TIMMDC1: variants seen among roughly 807,000 people sequenced by gnomAD.
TIMMDC1 encodes translocase of inner mitochondrial membrane domain containing 1.
In TIMMDC1, 25 loss-of-function variants were observed where a neutral mutation model predicts 32.6. The ratio of observed to expected loss-of-function variants is 0.77; its 90% CI spans 0.56 to 1.07. The LOEUF (loss-of-function observed/expected upper bound fraction) is 1.07, where lower values mean the gene tolerates loss of function less well. Among genes scored for constraint, TIMMDC1 ranks in the 50% least tolerant of loss-of-function variants. The pLI is 0.00. For synonymous variants in TIMMDC1, 130 were observed against 127.6 expected (o/e 1.02, Z -0.13); for missense variants, 329 against 349.2 (o/e 0.94, Z 0.46).
chr3:119,510,476 AAG>A (rs2107730886), intron 4 of TIMMDC1, among the ~76,000 whole-genome samples: 1 of 152,304 alleles, frequency 6.6e-6, no homozygotes, highest in South Asian at 2.1e-4. Flanking sequence ...GCTGATTATT[AAG>A]AGCATAGCAA....
At chr3:119,523,550 T>C in intron 6 of TIMMDC1, 56 bp from the exon 7 acceptor site, 5 of 1,473,776 alleles carry the variant, frequency 3.4e-6, no homozygotes, top group Non-Finnish European at 4.5e-6. Context: ...GTTTTAAATC[T>C]GTAAGAACTA....
chr3:119,516,935 A>G (rs1013593003), intron 5 of TIMMDC1, among the ~76,000 whole-genome samples: 16 of 152,178 alleles, frequency 1.1e-4, no homozygotes, highest in African/African-American at 3.6e-4. Context: ...CATTCCTCAT[A>G]AAAACAGCCA....
intron 6 of TIMMDC1, among the ~76,000 whole-genome samples, chr3:119,521,379 AC>A (rs2082025958): frequency 6.6e-6 from 1 of 152,078 alleles, no homozygotes; most frequent in South Asian, 2.1e-4. Context: ...ACATGGTGAA[AC>A]CCCATTTCTA....
At chr3:119,513,513 C>A in intron 4 of TIMMDC1, 128 bp from the exon 5 acceptor site, 1 of 693,446 alleles carries the variant, frequency 1.4e-6, no homozygotes, top group Non-Finnish European at 2.6e-6. Flanking sequence ...GAAGTATAGG[C>A]TGTAGTAGTA....
At chr3:119,516,544 G>A (rs1417960050) in intron 5 of TIMMDC1, among the ~76,000 whole-genome samples, 1 of 152,208 alleles carries the variant, frequency 6.6e-6, no homozygotes, top group Non-Finnish European at 1.5e-5. Flanking sequence ...TTATTAGTAT[G>A]AGGTTACTTA....
chr3:119,507,222 T>G (rs182628970), intron 4 of TIMMDC1, among the ~76,000 whole-genome samples: 1 of 152,336 alleles, frequency 6.6e-6, no homozygotes, highest in East Asian at 1.9e-4. Flanking sequence ...AAAGATTTCT[T>G]TAGCTTTCTC....
chr3:119,511,367 T>TG (rs1384856443), intron 4 of TIMMDC1, among the ~76,000 whole-genome samples: 1 of 151,832 alleles, frequency 6.6e-6, no homozygotes, highest in African/African-American at 2.4e-5. Flanking sequence ...CCCAGCTACT[T>TG]GGGAGACTGA....
At chr3:119,500,965 G>T in intron 2 of TIMMDC1, 105 bp downstream of exon 2, 2 of 1,171,252 alleles carry the variant, frequency 1.7e-6, no homozygotes, top group Non-Finnish European at 2.4e-6. Context: ...GTTTTAAGGT[G>T]TCAGAGTAAA....
At chr3:119,518,149 C>A (rs2081998326) in intron 6 of TIMMDC1, among the ~76,000 whole-genome samples, 1 of 151,994 alleles carries the variant, frequency 6.6e-6, no homozygotes, top group Non-Finnish European at 1.5e-5. Context: ...CTAATCATCT[C>A]CTGGGATGCA....
chr3:119,518,104 C>A (rs539899911), intron 6 of TIMMDC1, among the ~76,000 whole-genome samples: 3 of 151,590 alleles, frequency 2.0e-5, no homozygotes, highest in Admixed American at 6.6e-5. Context: ...GCACTGAATG[C>A]CACTGAGGAA....
At chr3:119,517,917 C>T (rs1390212024) in intron 6 of TIMMDC1, among the ~76,000 whole-genome samples, 1 of 151,272 alleles carries the variant, frequency 6.6e-6, no homozygotes, top group Non-Finnish European at 1.5e-5. Flanking sequence ...TACAGTGAGC[C>T]GTGATTGTGC....
chr3:119,502,481 C>T (rs2081885963), intron 2 of TIMMDC1, among the ~76,000 whole-genome samples: 1 of 151,946 alleles, frequency 6.6e-6, no homozygotes, highest in Non-Finnish European at 1.5e-5. Context: ...TCACCCCCTC[C>T]TTGGCCTCCC....
intron 5 of TIMMDC1, among the ~76,000 whole-genome samples, chr3:119,515,687 A>G (rs760387075): frequency 6.6e-6 from 1 of 152,188 alleles, no homozygotes; most frequent in African/African-American, 2.4e-5. Context: ...CTTTTTCCCA[A>G]TGTGATTAAT....
At position 119,498,707 on chromosome 3, in the gene TIMMDC1, A is replaced by G; in HGVS notation, c.-27A>G. On this transcript the variant is annotated 5_prime_UTR_variant, in exon 1 of 7. Coordinates refer to ENST00000494664, the MANE Select transcript of TIMMDC1 (RefSeq NM_016589.4). ...GAGGACTTGAAGTCCTGAGCGCTCA[A>G]GTTTGTCCGTAGGTCGAGAGAAGGC... 6.2e-7 allele frequency: 1 copy of G among 1,611,520 alleles called. No homozygotes were observed.
intron 2 of TIMMDC1, among the ~76,000 whole-genome samples, chr3:119,502,601 C>T (rs1206400087): frequency 6.6e-6 from 1 of 151,962 alleles, no homozygotes; most frequent in Admixed American, 6.6e-5. Flanking sequence ...TGCCTCAGTG[C>T]AGGCTGGAGT....
chr3:119,514,779 G>A (rs1415508208), intron 5 of TIMMDC1, among the ~76,000 whole-genome samples: 1 of 152,154 alleles, frequency 6.6e-6, no homozygotes, highest in Non-Finnish European at 1.5e-5. Flanking sequence ...AATCTGGCTG[G>A]GTTTCCCTGC....
At chr3:119,511,130 A>C (rs939148180) in intron 4 of TIMMDC1, among the ~76,000 whole-genome samples, 16 of 152,102 alleles carry the variant, frequency 1.1e-4, no homozygotes, top group African/African-American at 3.9e-4. Context: ...TTTATCTGCG[A>C]GTTTTTTCAA....
chr3:119,509,079 A>G (rs1452683240), intron 4 of TIMMDC1, among the ~76,000 whole-genome samples: 1 of 152,088 alleles, frequency 6.6e-6, no homozygotes, highest in Non-Finnish European at 1.5e-5. Flanking sequence ...GGTGGTGCAC[A>G]TCTGTAATCC....
rs754116594 is a variant in TIMMDC1, at chr3:119,503,970, C to G, written c.466C>G (p.Leu156Val). The G allele has an allele frequency of 8.7e-6, 14 of 1,613,370 alleles. No individual in the cohort carries two copies. The highest frequency in any genetic ancestry group is 6.7e-5 in the East Asian group (3 of 44,854). The change falls in exon 4 of 7, where the codon CTG (leucine) becomes GTG (valine). Residue 156 changes from leucine to valine, a missense_variant. Transcript: ENST00000494664. Reference sequence around the variant, plus strand: ...TTTTACCAGCACAGTGAACACTAGTCTGAATGTATACCGAAATAAAGATGC... The same window carrying G: ...TTTTACCAGCACAGTGAACACTAGTGTGAATGTATACCGAAATAAAGATGC... ...VTIFNTVNTS[L>V]NVYRNKDALS...
Sources: allele counts gnomAD v4.1 joint callset (sites outside exome capture counted in the v4.1 genomes callset), GRCh38; gene constraint gnomAD v4.1.1; transcripts MANE v1.5; gene names NCBI Gene and HGNC (gene_info 2026-07-23, HGNC 2026-07-21).